MYSM1: variants seen among roughly 807,000 people sequenced by gnomAD.
The protein encoded by MYSM1 is Myb like, SWIRM and MPN domains 1.
MYSM1 carries 51 observed loss-of-function variants against 116.0 expected under a neutral mutation model. The observed-to-expected ratio is 0.44, with a 90% CI of 0.35 to 0.56. MYSM1 has a LOEUF of 0.56. Among genes scored for constraint, MYSM1 ranks in the 20% least tolerant of loss-of-function variants. The pLI, the probability that MYSM1 is intolerant of heterozygous loss-of-function variation, is 0.00. For synonymous variants in MYSM1, 313 were observed against 315.2 expected (o/e 0.99, Z 0.07); for missense variants, 900 against 974.9 (o/e 0.92, Z 1.02).
chr1:58,668,745 C>T (rs1488023743), intron 13 of MYSM1, 63 bp from the exon 14 acceptor site: 10 of 1,405,598 alleles, frequency 7.1e-6, no homozygotes, highest in Non-Finnish European at 8.9e-6. Context: ...GTTTTCCCCA[C>T]CTGGAATGCC....
At position 58,657,911 on chromosome 1, in the gene MYSM1, T is replaced by C. The variant is rs1479657063; in HGVS notation, c.*2086A>G. ...TTTGAGAGCAGAACTTTTAACAATTTCCATTACTTTCCATCACCCAAATTC... is the reference window on the plus strand; with the variant it reads ...TTTGAGAGCAGAACTTTTAACAATTCCCATTACTTTCCATCACCCAAATTC... On this transcript the variant is annotated 3_prime_UTR_variant, in exon 20 of 20. Coordinates refer to ENST00000472487, the MANE Select transcript of MYSM1 (RefSeq NM_001085487.3). The C allele has an allele frequency of 1.3e-5, 2 of 152,160 alleles. No individual in the cohort carries two copies. The highest frequency in any genetic ancestry group is 4.8e-5 in the African/African-American group (2 of 41,438). 9.4% of individuals were successfully genotyped at this position (152,160 alleles called of 1,614,324 possible). A position where few individuals can be genotyped will look rare whatever the true frequency, so the allele number is the denominator to read the frequency against.
intron 18 of MYSM1, 43 bp downstream of exon 18, chr1:58,661,363 G>T: frequency 7.4e-7 from 1 of 1,344,090 alleles, no homozygotes; most frequent in Non-Finnish European, 1.1e-6. Context: ...AATTTAATGA[G>T]CAACACTGCA....
At position 58,665,691 on chromosome 1, in the gene MYSM1, A is replaced by G. The variant is rs540513437; in HGVS notation, c.2032-60T>C. On this transcript the variant is annotated intron_variant, in intron 16 of 19. Transcript: ENST00000472487. ...TATATAAATTCAAAAGCCAATATTT[A>G]TCCATACTAACATTTTAAACATCTA... is the stretch of plus-strand genomic sequence containing the variant. The G allele has an allele frequency of 2.5e-5, 29 of 1,157,264 alleles. No homozygotes were observed. In the African/African-American group the frequency reaches 3.1e-4, roughly 12 times the overall value. The allele number at this position is 1,157,264 out of a possible 1,614,324, so 71.7% of individuals were successfully genotyped here.
intron 9 of MYSM1, 144 bp from the exon 10 acceptor site, chr1:58,675,724 C>G (rs1422260773): frequency 9.3e-6 from 5 of 538,304 alleles, no homozygotes; most frequent in Admixed American, 6.1e-5. Context: ...CTGAGCACCC[C>G]TCAAATTAAA....
rs1644338629 is a variant in MYSM1, at chr1:58,657,817, G to A, written c.*2180C>T. 6.6e-6 allele frequency: 1 copy of A among 152,110 alleles called. No homozygotes were observed. Among genetic ancestry groups the A allele is most frequent in the South Asian group, 2.1e-4 (1 of 4,828 alleles). 9.4% of individuals were successfully genotyped at this position (152,110 alleles called of 1,614,324 possible). A position where few individuals can be genotyped will look rare whatever the true frequency, so the allele number is the denominator to read the frequency against. Reference sequence around the variant, plus strand: ...AACTCTTGACAAGTATCATCCTTGAGATCCTCGCAATATGGCTTAGATTAG... The same window carrying A: ...AACTCTTGACAAGTATCATCCTTGAAATCCTCGCAATATGGCTTAGATTAG... On this transcript the variant is annotated 3_prime_UTR_variant, in exon 20 of 20. Coordinates refer to ENST00000472487, the MANE Select transcript of MYSM1 (RefSeq NM_001085487.3).
At chr1:58,683,678 G>A (rs1418448432) in intron 7 of MYSM1, among the ~76,000 whole-genome samples, 2 of 152,126 alleles carry the variant, frequency 1.3e-5, no homozygotes, top group Non-Finnish European at 2.9e-5. Context: ...ACAGCTCTCA[G>A]AAACAGGTTA....
In MYSM1 at chr1:58,657,778, C is replaced by CTCTCAAGGCCCCAAACTCTTGACT. The variant is rs1297896153; in HGVS notation, c.*2218_*2219insAGTCAAGAGTTTGGGGCCTTGAGA. The CTCTCAAGGCCCCAAACTCTTGACT allele has an allele frequency of 6.6e-6, 1 of 152,094 alleles. No homozygotes were observed. Among genetic ancestry groups the CTCTCAAGGCCCCAAACTCTTGACT allele is most frequent in the East Asian group, 1.9e-4 (1 of 5,192 alleles). The allele number at this position is 152,094 out of a possible 1,614,324, so 9.4% of individuals were successfully genotyped here. A position where few individuals can be genotyped will look rare whatever the true frequency, so the allele number is the denominator to read the frequency against. On this transcript the variant is annotated 3_prime_UTR_variant, in exon 20 of 20. Coordinates refer to ENST00000472487, the MANE Select transcript of MYSM1 (RefSeq NM_001085487.3). ...ACTAAGTATTATTTTGAAAACTGTG[C>CTCTCAAGGCCCCAAACTCTTGACT]TCTCAAGGCCCCAAACTCTTGACAA...
intron 6 of MYSM1, among the ~76,000 whole-genome samples, chr1:58,686,965 T>TTA (rs1553138384): frequency 7.0e-6 from 1 of 142,792 alleles, no homozygotes; most frequent in Non-Finnish European, 1.5e-5. Flanking sequence ...CCTTGTTTCT[T>TTA]AAAAAAAAAA....
chr1:58,668,626 C>G lies in MYSM1; in HGVS notation c.1767+6G>C. The stretch of plus-strand genomic sequence containing the variant: ...TAACTAAGTAAACACAATAGATTAT[C>G]CTTACCAAATCCATTATTAAAAGTG... On this transcript the variant is annotated splice_donor_region_variant and intron_variant, in intron 14 of 19. Transcript: ENST00000472487. The G allele has an allele frequency of 6.2e-7, 1 of 1,600,694 alleles. No individual in the cohort carries two copies. Among genetic ancestry groups the G allele is most frequent in the Non-Finnish European group, 8.5e-7 (1 of 1,173,008 alleles).
chr1:58,667,708 A>G, intron 15 of MYSM1, 139 bp downstream of exon 15: 1 of 600,404 alleles, frequency 1.7e-6, no homozygotes, highest in Non-Finnish European at 2.9e-6. Context: ...GGGAATATAT[A>G]ACTTGCTACA....
At chr1:58,664,137 T>C (rs895441066) in intron 17 of MYSM1, among the ~76,000 whole-genome samples, 3 of 152,168 alleles carry the variant, frequency 2.0e-5, no homozygotes, top group Non-Finnish European at 4.4e-5. Context: ...CGTACTGCTA[T>C]TGTACTGGAT....
intron 10 of MYSM1, among the ~76,000 whole-genome samples, chr1:58,675,254 G>A (rs760031033): frequency 2.6e-5 from 4 of 152,176 alleles, no homozygotes; most frequent in Non-Finnish European, 5.9e-5. Flanking sequence ...TCTGCATCAA[G>A]TTTGCTAGTA....
At chr1:58,699,930 C>G in intron 1 of MYSM1, 55 bp downstream of exon 1, 1 of 1,610,300 alleles carries the variant, frequency 6.2e-7, no homozygotes. Flanking sequence ...CCAGGGCCCG[C>G]TCCTTCAATC....
At chr1:58,691,148 C>T (rs1341451540) in intron 3 of MYSM1, among the ~76,000 whole-genome samples, 3 of 151,882 alleles carry the variant, frequency 2.0e-5, no homozygotes, top group African/African-American at 4.8e-5. Context: ...GGCGTGGTGG[C>T]GGGCGCCTGT....
chr1:58,665,351 A>G, intron 17 of MYSM1, 148 bp downstream of exon 17: 1 of 612,680 alleles, frequency 1.6e-6, no homozygotes, highest in Non-Finnish European at 2.8e-6. Flanking sequence ...GGGTGGCTGC[A>G]CTAGGGTGGC....
At chr1:58,668,447 A>T in intron 14 of MYSM1, 185 bp downstream of exon 14, 1 of 1,334,906 alleles carries the variant, frequency 7.5e-7, no homozygotes, top group Non-Finnish European at 9.6e-7. Flanking sequence ...TATTTTCTCT[A>T]AAATATGGAA....
At chr1:58,693,846 T>A (rs1047440198) in intron 2 of MYSM1, among the ~76,000 whole-genome samples, 5 of 152,242 alleles carry the variant, frequency 3.3e-5, no homozygotes, top group Admixed American at 2.6e-4. Flanking sequence ...AATGTTTCAA[T>A]GATGTCCCAG....
intron 1 of MYSM1, 186 bp downstream of exon 1, chr1:58,699,799 A>C (rs1569823335): frequency 4.1e-6 from 4 of 985,402 alleles, no homozygotes; most frequent in Non-Finnish European, 4.8e-6. Context: ...GCTCCAGGTA[A>C]CCGCCCTGCC....
intron 14 of MYSM1, 97 bp from the exon 15 acceptor site, chr1:58,668,018 G>C (rs1644501788): frequency 2.2e-5 from 19 of 848,234 alleles, no homozygotes; most frequent in Non-Finnish European, 3.1e-5. Flanking sequence ...TGTAAGTATA[G>C]CCATCATGCT....
Sources: allele counts gnomAD v4.1 joint callset (sites outside exome capture counted in the v4.1 genomes callset), GRCh38; gene constraint gnomAD v4.1.1; transcripts MANE v1.5; gene names NCBI Gene and HGNC (gene_info 2026-07-23, HGNC 2026-07-21).